CADM2: variants seen among roughly 807,000 people sequenced by gnomAD.
CADM2 encodes the protein immunoglobulin superfamily member 4D.
Under a neutral mutation model 49.8 loss-of-function variants are expected in CADM2, and 12 were observed. That is an observed-to-expected ratio of 0.24 (90% CI 0.15 to 0.39). CADM2 has a LOEUF of 0.39. CADM2 is among the 10% of genes least tolerant of loss of function. The probability of loss-of-function intolerance (pLI) is 1.00; values close to 1 mark genes in which losing one functional copy is unlikely to be tolerated. For synonymous variants in CADM2, 214 were observed against 175.4 expected (o/e 1.22, Z -1.74); for missense variants, 378 against 492.3 (o/e 0.77, Z 2.20).
intron 1 of CADM2, among the ~76,000 whole-genome samples, chr3:85,581,268 TA>T (rs1315029320): frequency 6.6e-6 from 1 of 152,088 alleles, no homozygotes; most frequent in Non-Finnish European, 1.5e-5. Context: ...TATACTACAC[TA>T]GGTCTATGCA....
intron 1 of CADM2, among the ~76,000 whole-genome samples, chr3:85,319,594 C>T (rs1472611036): frequency 6.6e-6 from 1 of 151,598 alleles, no homozygotes; most frequent in African/African-American, 2.4e-5. Flanking sequence ...ACATATAAAC[C>T]ATGGAATACT....
intron 3 of CADM2, among the ~76,000 whole-genome samples, chr3:85,820,232 A>G (rs555910239): frequency 1.3e-5 from 2 of 152,274 alleles, no homozygotes; most frequent in African/African-American, 4.8e-5. Flanking sequence ...CCATAGAATA[A>G]TTCTGAATTT....
intron 1 of CADM2, among the ~76,000 whole-genome samples, chr3:85,031,268 G>A (rs1188980201): frequency 6.6e-6 from 1 of 152,196 alleles, no homozygotes; most frequent in Non-Finnish European, 1.5e-5. Flanking sequence ...CAAAAGACAA[G>A]GGAGCCAATT....
At chr3:85,895,215 A>C (rs1715058817) in intron 5 of CADM2, among the ~76,000 whole-genome samples, 1 of 152,170 alleles carries the variant, frequency 6.6e-6, no homozygotes. Context: ...ATGGAAGCCC[A>C]CTTCTTGCAT....
At chr3:85,882,154 G>GCCCCCA (rs1712895881) in intron 3 of CADM2, among the ~76,000 whole-genome samples, 1 of 97,420 alleles carries the variant, frequency 1.0e-5, no homozygotes, top group Non-Finnish European at 2.2e-5. Context: ...ACATCCCCCC[G>GCCCCCA]CCCCCACCCC....
At chr3:85,496,673 T>C (rs894782745) in intron 1 of CADM2, among the ~76,000 whole-genome samples, 8 of 152,154 alleles carry the variant, frequency 5.3e-5, no homozygotes, top group Admixed American at 2.0e-4. Flanking sequence ...CGTATAACCA[T>C]TCCCTTTTCT....
At chr3:85,568,473 C>CTCTCTCTCTTTCTT (rs1310030589) in intron 1 of CADM2, among the ~76,000 whole-genome samples, 5 of 27,618 alleles carry the variant, frequency 1.8e-4, no homozygotes, top group East Asian at 1.6e-3. Flanking sequence ...CTCTTTCTCT[C>CTCTCTCTCTTTCTT]TCTTTCTTTC....
intron 1 of CADM2, among the ~76,000 whole-genome samples, chr3:85,364,899 C>T (rs893149249): frequency 2.8e-5 from 3 of 108,436 alleles, no homozygotes; most frequent in Admixed American, 9.7e-5. Context: ...ACAACAACAA[C>T]AACAACAATA....
intron 1 of CADM2, among the ~76,000 whole-genome samples, chr3:85,622,977 G>A (rs1262383096): frequency 6.6e-6 from 1 of 152,092 alleles, no homozygotes; most frequent in East Asian, 1.9e-4. Context: ...TCTTTCAATA[G>A]GTGAGTATCA....
intron 8 of CADM2, among the ~76,000 whole-genome samples, chr3:85,976,917 G>C (rs757982357): frequency 1.3e-5 from 2 of 151,324 alleles, no homozygotes; most frequent in Non-Finnish European, 3.0e-5. Context: ...CATCTTTTTA[G>C]GTTATTTGAA....
chr3:85,520,094 T>C (rs2060996623), intron 1 of CADM2, among the ~76,000 whole-genome samples: 1 of 152,074 alleles, frequency 6.6e-6, no homozygotes, highest in Non-Finnish European at 1.5e-5. Context: ...TAATTTCATA[T>C]GCATAATATG....
chr3:85,883,173 A>G, intron 3 of CADM2, 118 bp from the exon 4 acceptor site: 1 of 736,590 alleles, frequency 1.4e-6, no homozygotes, highest in Non-Finnish European at 2.0e-6. Context: ...TCCAAGAAAT[A>G]AGATTTGAAT....
chr3:85,590,363 G>A (rs746119603), intron 1 of CADM2, among the ~76,000 whole-genome samples: 1 of 151,918 alleles, frequency 6.6e-6, no homozygotes, highest in Non-Finnish European at 1.5e-5. Flanking sequence ...GAAGGTAAGC[G>A]CTTTATAGTA....
intron 1 of CADM2, among the ~76,000 whole-genome samples, chr3:85,364,867 T>A (rs7625518): frequency 0.029 from 4,266 of 147,378 alleles, 286 homozygotes; most frequent in African/African-American, 0.11. Flanking sequence ...TGCTTGTTCC[T>A]ACAACAACAA....
intron 2 of CADM2, chr3:85,800,239 C>G (rs528460887): frequency 6.6e-6 from 1 of 152,234 alleles, no homozygotes; most frequent in Non-Finnish European, 1.5e-5. Flanking sequence ...CCTCCCTCTA[C>G]GAAGCTCGAG....
At chr3:85,232,936 T>C (rs966793962) in intron 1 of CADM2, among the ~76,000 whole-genome samples, 2 of 152,178 alleles carry the variant, frequency 1.3e-5, no homozygotes, top group African/African-American at 4.8e-5. Context: ...TACAAAAACC[T>C]ACATGCTAAT....
intron 1 of CADM2, among the ~76,000 whole-genome samples, chr3:85,051,040 C>T (rs936758232): frequency 3.3e-5 from 5 of 152,286 alleles, no homozygotes; most frequent in African/African-American, 4.8e-5. Context: ...AAAAAAGGCT[C>T]GAGGCCTTTC....
chr3:85,991,855 A>C (rs1728809271), intron 8 of CADM2, among the ~76,000 whole-genome samples: 1 of 152,072 alleles, frequency 6.6e-6, no homozygotes, highest in Non-Finnish European at 1.5e-5. Context: ...TGATTTATAA[A>C]ACTCACTACT....
chr3:85,813,915 A>G (rs952434249), intron 3 of CADM2, among the ~76,000 whole-genome samples: 9 of 152,106 alleles, frequency 5.9e-5, no homozygotes, highest in East Asian at 5.8e-4. Context: ...TTTTGGTACT[A>G]CTACCATGCT....
Sources: allele counts gnomAD v4.1 joint callset (sites outside exome capture counted in the v4.1 genomes callset), GRCh38; gene constraint gnomAD v4.1.1; transcripts MANE v1.5; gene names NCBI Gene and HGNC (gene_info 2026-07-23, HGNC 2026-07-21).